Variants in SLC8A1 observed in about 807,000 individuals in gnomAD.
The protein encoded by SLC8A1 is solute carrier family 8 member A1, also known as sodium/calcium exchanger 1.
In SLC8A1, 18 loss-of-function variants were observed where a neutral mutation model predicts 68.3. The ratio of observed to expected loss-of-function variants is 0.26; its 90% CI spans 0.18 to 0.39. SLC8A1 has a LOEUF of 0.39. Among genes scored for constraint, SLC8A1 ranks in the 10% least tolerant of loss-of-function variants. The probability of loss-of-function intolerance (pLI) is 1.00; values close to 1 mark genes in which losing one functional copy is unlikely to be tolerated. For missense variants in SLC8A1, 985 were observed against 1,156.7 expected (o/e 0.85, Z 2.15); for synonymous variants, 475 against 415.5 (o/e 1.14, Z -1.74).
intron 1 of SLC8A1, among the ~76,000 whole-genome samples, chr2:40,439,281 C>G (rs1332678369): frequency 6.6e-6 from 1 of 152,062 alleles, no homozygotes; most frequent in African/African-American, 2.4e-5. Context: ...GTGACAAAGA[C>G]TTAGGATAAA....
chr2:40,232,047 G>T (rs1456910008), intron 2 of SLC8A1, among the ~76,000 whole-genome samples: 2 of 152,046 alleles, frequency 1.3e-5, no homozygotes, highest in Admixed American at 6.6e-5. Flanking sequence ...GATGAAGCAG[G>T]CCAGGAAGAT....
rs1470231386 is a variant in SLC8A1, at chr2:40,251,652, G to A, written c.1809-73797C>T. The stretch of plus-strand genomic sequence containing the variant: ...GTCTTACAGGGGATCTTTTCATTGA[G>A]ACGCTCAACTTGTTTGTTTTGTGCT... On this transcript the variant is annotated intron_variant, in intron 2 of 7. Coordinates refer to ENST00000406785, the Ensembl canonical transcript of SLC8A1. The A allele has an allele frequency of 2.0e-5, 3 of 152,272 alleles. No homozygotes were observed. In the East Asian group the frequency reaches 5.8e-4, roughly 29 times the overall value. The allele number at this position is 152,272 out of a possible 1,614,324, so 9.4% of individuals were successfully genotyped here. A position where few individuals can be genotyped will look rare whatever the true frequency, so the allele number is the denominator to read the frequency against.
chr2:40,329,060 TCACACACACACA>T lies in SLC8A1; in HGVS notation c.1808+99401_1808+99412del, dbSNP rs70957170. Among the ~76,000 whole-genome samples the T allele has an allele frequency of 1.7e-3, 244 of 141,236 alleles. 1 individual carries two copies. The highest frequency in any genetic ancestry group is 5.8e-3 in the African/African-American group (224 of 38,406). The allele number at this position is 141,236 out of a possible 152,430, so 92.7% of individuals were successfully genotyped here. A position where few individuals can be genotyped will look rare whatever the true frequency, so the allele number is the denominator to read the frequency against. ...ATTTTCATCTCCTCACACTACAACC[TCACACACACACA>T]CACACACACACACACACACACACAC... On this transcript the variant is annotated intron_variant, in intron 2 of 7. Transcript: ENST00000406785.
intron 2 of SLC8A1, among the ~76,000 whole-genome samples, chr2:40,387,370 C>T (rs1282475762): frequency 6.6e-6 from 1 of 151,336 alleles, no homozygotes; most frequent in African/African-American, 2.5e-5. Context: ...TCTATTCACA[C>T]AGGGGTAGGA....
chr2:40,344,333 G>A (rs979642885), intron 2 of SLC8A1, among the ~76,000 whole-genome samples: 2 of 152,102 alleles, frequency 1.3e-5, no homozygotes, highest in African/African-American at 4.8e-5. Context: ...TCAAGCACTG[G>A]GTCTATGACA....
chr2:40,434,658 C>A (rs17026005), intron 1 of SLC8A1, among the ~76,000 whole-genome samples: 7,612 of 152,180 alleles, frequency 0.05, 358 homozygotes, highest in East Asian at 0.25. Flanking sequence ...TCAACTCGTA[C>A]AACTGTGAGC....
At chr2:40,402,996 T>G (rs1401441389) in intron 2 of SLC8A1, among the ~76,000 whole-genome samples, 1 of 152,190 alleles carries the variant, frequency 6.6e-6, no homozygotes, top group East Asian at 1.9e-4. Context: ...TTTCCCCTAA[T>G]TAGACATTTG....
intron 2 of SLC8A1, among the ~76,000 whole-genome samples, chr2:40,346,313 T>C (rs1377992124): frequency 6.6e-6 from 1 of 152,136 alleles, no homozygotes; most frequent in Non-Finnish European, 1.5e-5. Flanking sequence ...TAATGGGCAA[T>C]TTCTTACCAC....
At chr2:40,453,629 G>A (rs568411438), upstream of SLC8A1, among the ~76,000 whole-genome samples, 1 of 152,314 alleles carries the variant, frequency 6.6e-6, no homozygotes, top group African/African-American at 2.4e-5. Flanking sequence ...CTCTGCAGGT[G>A]GGCCCCAGAC....
At chr2:40,418,724 T>C (rs537389226) in intron 2 of SLC8A1, among the ~76,000 whole-genome samples, 5 of 152,336 alleles carry the variant, frequency 3.3e-5, no homozygotes, top group Non-Finnish European at 5.9e-5. Flanking sequence ...TCTGAGTTCA[T>C]TATTGCCATG....
At chr2:40,098,408 T>C (rs1242676582) in exon 8 of SLC8A1, 2 of 152,052 alleles carry the variant, frequency 1.3e-5, no homozygotes, top group East Asian at 3.9e-4. Flanking sequence ...TTAAATATTC[T>C]TGGTGCACAT....
chr2:40,232,400 T>C (rs1231083225), intron 2 of SLC8A1, among the ~76,000 whole-genome samples: 1 of 116,322 alleles, frequency 8.6e-6, no homozygotes, highest in East Asian at 2.0e-4. Context: ...AGTTATTTTT[T>C]TTTTGTCTTC....
At chr2:40,176,852 A>C (rs993286660) in intron 3 of SLC8A1, among the ~76,000 whole-genome samples, 6 of 152,180 alleles carry the variant, frequency 3.9e-5, no homozygotes, top group African/African-American at 7.2e-5. Flanking sequence ...TTTACACAAT[A>C]AGTAAATCAC....
chr2:40,253,552 G>C (rs12467562), intron 2 of SLC8A1, among the ~76,000 whole-genome samples: 1 of 152,092 alleles, frequency 6.6e-6, no homozygotes, highest in Non-Finnish European at 1.5e-5. Flanking sequence ...AGGGCCTGGC[G>C]CGGTGGCTCA....
chr2:40,234,040 C>G (rs1366977883), intron 2 of SLC8A1, among the ~76,000 whole-genome samples: 1 of 152,196 alleles, frequency 6.6e-6, no homozygotes, highest in East Asian at 1.9e-4. Context: ...CGTGATGCCT[C>G]CAGCTTTGTT....
intron 2 of SLC8A1, among the ~76,000 whole-genome samples, chr2:40,265,641 C>G (rs529475696): frequency 1.3e-5 from 2 of 152,176 alleles, no homozygotes; most frequent in Admixed American, 6.5e-5. Flanking sequence ...CTGTGGCTAA[C>G]AAAATCAATT....
chr2:40,342,474 A>G (rs1222871135), intron 2 of SLC8A1, among the ~76,000 whole-genome samples: 3 of 151,942 alleles, frequency 2.0e-5, no homozygotes, highest in Non-Finnish European at 4.4e-5. Flanking sequence ...ATATATTCTG[A>G]TATTGAAAAG....
intron 2 of SLC8A1, among the ~76,000 whole-genome samples, chr2:40,354,119 C>A (rs1039274193): frequency 1.3e-5 from 2 of 152,278 alleles, no homozygotes; most frequent in African/African-American, 4.8e-5. Context: ...ATTTTCAGAT[C>A]TCCCTCCATA....
At chr2:40,150,775 C>A (rs889573489) in intron 6 of SLC8A1, among the ~76,000 whole-genome samples, 3 of 152,214 alleles carry the variant, frequency 2.0e-5, no homozygotes, top group Non-Finnish European at 4.4e-5. Context: ...TAAAGCATAT[C>A]CAGAGGCCAG....
Sources: allele counts gnomAD v4.1 joint callset (sites outside exome capture counted in the v4.1 genomes callset), GRCh38; gene constraint gnomAD v4.1.1; transcripts MANE v1.5; gene names NCBI Gene and HGNC (gene_info 2026-07-23, HGNC 2026-07-21).